The following LMTK2 variants were observed in gnomAD, a reference collection of about 807,000 sequenced individuals.
LMTK2 encodes serine/threonine-protein kinase LMTK2.
LMTK2 carries 37 observed loss-of-function variants against 127.5 expected under a neutral mutation model. The ratio of observed to expected loss-of-function variants is 0.29; its 90% CI spans 0.22 to 0.38. The LOEUF is 0.38. Ranked by LOEUF, LMTK2 falls within the 10% of genes least tolerant of loss-of-function variation. The pLI, the probability that LMTK2 is intolerant of heterozygous loss-of-function variation, is 1.00. For synonymous variants in LMTK2, 819 were observed against 810.1 expected (o/e 1.01, Z -0.19); for missense variants, 1,694 against 1,920.3 (o/e 0.88, Z 2.20).
chr7:98,129,412 T>G (rs1796490293), intron 1 of LMTK2, among the ~76,000 whole-genome samples: 1 of 150,946 alleles, frequency 6.6e-6, no homozygotes, highest in Non-Finnish European at 1.5e-5. Flanking sequence ...GGGTCTTACT[T>G]TGTTGTCCAG....
intron 7 of LMTK2, among the ~76,000 whole-genome samples, chr7:98,181,569 G>T (rs1468683074): frequency 6.6e-6 from 1 of 152,202 alleles, no homozygotes; most frequent in Non-Finnish European, 1.5e-5. Flanking sequence ...TCAAAACAGT[G>T]TTGTACTAGC....
At chr7:98,162,609 C>T (rs1039480334) in intron 6 of LMTK2, among the ~76,000 whole-genome samples, 1 of 152,174 alleles carries the variant, frequency 6.6e-6, no homozygotes, top group African/African-American at 2.4e-5. Flanking sequence ...GAGCTCTGGT[C>T]GCCATCAAAA....
chr7:98,183,199 T>A (rs902147870), intron 7 of LMTK2, among the ~76,000 whole-genome samples: 1 of 152,246 alleles, frequency 6.6e-6, no homozygotes, highest in Non-Finnish European at 1.5e-5. Context: ...TGCCTTTCCC[T>A]TTCTAGGTCT....
At chr7:98,152,080 T>C (rs1362465407) in intron 4 of LMTK2, among the ~76,000 whole-genome samples, 1 of 152,192 alleles carries the variant, frequency 6.6e-6, no homozygotes, top group Non-Finnish European at 1.5e-5. Flanking sequence ...TGTATCCTTC[T>C]CAGGTTAGAT....
chr7:98,151,344 A>G, intron 3 of LMTK2, 38 bp from the exon 4 acceptor site: 2 of 1,356,740 alleles, frequency 1.5e-6, no homozygotes, highest in Non-Finnish European at 2.1e-6. Flanking sequence ...TAATATTTAG[A>G]TACTTATATT....
chr7:98,156,099 A>AAT (rs1272545296), intron 5 of LMTK2, among the ~76,000 whole-genome samples: 1 of 152,218 alleles, frequency 6.6e-6, no homozygotes, highest in African/African-American at 2.4e-5. Context: ...ATGGATAGCA[A>AAT]ATAAGCACAT....
chr7:98,165,183 C>T (rs1323140435), intron 6 of LMTK2, among the ~76,000 whole-genome samples: 1 of 152,202 alleles, frequency 6.6e-6, no homozygotes, highest in Non-Finnish European at 1.5e-5. Flanking sequence ...GGAACCTTGG[C>T]CACTGCCCAC....
intron 1 of LMTK2, among the ~76,000 whole-genome samples, chr7:98,108,249 A>C (rs1477545398): frequency 6.6e-6 from 1 of 152,206 alleles, no homozygotes; most frequent in East Asian, 1.9e-4. Context: ...CGTTGTAGGC[A>C]GAGCCCCAAA....
intron 7 of LMTK2, among the ~76,000 whole-genome samples, chr7:98,180,533 T>G (rs1460928911): frequency 6.6e-6 from 1 of 151,962 alleles, no homozygotes; most frequent in Non-Finnish European, 1.5e-5. Context: ...AATTGTGTGT[T>G]TTTGAAAATT....
chr7:98,171,277 T>C lies in LMTK2; in HGVS notation c.658-264T>C, dbSNP rs562311954. Among the ~76,000 whole-genome samples, 10 of 152,328 alleles carry C rather than the reference T, an allele frequency of 6.6e-5. No homozygotes were observed. In the East Asian group the frequency reaches 1.5e-3, roughly 23 times the overall value. On this transcript the variant is annotated intron_variant, in intron 6 of 13. Coordinates refer to ENST00000297293, the MANE Select transcript of LMTK2 (RefSeq NM_014916.4). The surrounding 1 kb of genome is among the most constrained non-coding windows in gnomAD (Gnocchi z 5.1). ...AATTCTACACAGCATTTAGTTTAAA[T>C]GTGCATCATTGCAAAACTATCTTTT... is the stretch of plus-strand genomic sequence containing the variant.
Position 98,171,428 on chromosome 7 carries a change from A to G in LMTK2, c.658-113A>G, listed in dbSNP as rs1222762992. 1.4e-6 allele frequency: 2 copies of G among 1,392,620 alleles called. No individual in the cohort carries two copies. Among genetic ancestry groups the G allele is most frequent in the Non-Finnish European group, 2.0e-6 (2 of 984,738 alleles). 86.3% of individuals were successfully genotyped at this position (1,392,620 alleles called of 1,614,324 possible). On this transcript the variant is annotated intron_variant, in intron 6 of 13. Transcript: ENST00000297293. The surrounding 1 kb of genome is among the most constrained non-coding windows in gnomAD (Gnocchi z 5.1). ...GTTGGAACTTCTTTAAGTATGAACA[A>G]AAGAAGTTTCTAATAAATAATCTTA...
intron 7 of LMTK2, among the ~76,000 whole-genome samples, chr7:98,183,331 A>G (rs572893900): frequency 9.8e-5 from 15 of 152,328 alleles, no homozygotes; most frequent in African/African-American, 3.1e-4. Flanking sequence ...AATAAGAACC[A>G]TGGTCTCTAC....
chr7:98,119,506 T>C (rs897937502), intron 1 of LMTK2, among the ~76,000 whole-genome samples: 1 of 152,186 alleles, frequency 6.6e-6, no homozygotes, highest in African/African-American at 2.4e-5. Flanking sequence ...GAAATAAGTA[T>C]TTTTTTATTT....
Position 98,207,347 on chromosome 7 carries a change from T to A in LMTK2, c.*1855T>A, listed in dbSNP as rs1797821932. On this transcript the variant is annotated 3_prime_UTR_variant, in exon 14 of 14. Transcript: ENST00000297293. ...AGAGTGCGCAGCAAATGACCTTCATTGCCAGTTCCACCCTACTCCTCTCAT... is the reference window on the plus strand; with the variant it reads ...AGAGTGCGCAGCAAATGACCTTCATAGCCAGTTCCACCCTACTCCTCTCAT... 6.6e-6 allele frequency: 1 copy of A among 152,136 alleles called. No homozygotes were observed. Among genetic ancestry groups the A allele is most frequent in the Admixed American group, 6.6e-5 (1 of 15,264 alleles). The allele number at this position is 152,136 out of a possible 1,614,324, so 9.4% of individuals were successfully genotyped here.
chr7:98,178,604 G>C (rs1398044109), intron 7 of LMTK2, among the ~76,000 whole-genome samples: 5 of 152,216 alleles, frequency 3.3e-5, no homozygotes, highest in Non-Finnish European at 7.3e-5. Flanking sequence ...CAGACTGGCT[G>C]TGTGTTTGCA....
chr7:98,126,671 G>C (rs1242262810), intron 1 of LMTK2: 1 of 152,196 alleles, frequency 6.6e-6, no homozygotes, highest in Non-Finnish European at 1.5e-5. Context: ...GTTTTAAAAT[G>C]GGAATGAAAT....
chr7:98,148,449 C>T (rs1039313943), intron 3 of LMTK2, among the ~76,000 whole-genome samples: 1 of 150,712 alleles, frequency 6.6e-6, no homozygotes, highest in African/African-American at 2.4e-5. Context: ...GCCAAGATTG[C>T]TCCACTGCAC....
At chr7:98,183,879 G>A (rs779777891) in intron 7 of LMTK2, among the ~76,000 whole-genome samples, 13 of 152,166 alleles carry the variant, frequency 8.5e-5, no homozygotes, top group Non-Finnish European at 1.5e-4. Context: ...GTTGCTAATC[G>A]GAAAATCTTT....
intron 6 of LMTK2, among the ~76,000 whole-genome samples, chr7:98,168,225 G>T (rs1279821725): frequency 6.6e-6 from 1 of 152,198 alleles, no homozygotes; most frequent in Non-Finnish European, 1.5e-5. Flanking sequence ...GCAGAGAGAA[G>T]AGATGGACTC....
Sources: allele counts gnomAD v4.1 joint callset (sites outside exome capture counted in the v4.1 genomes callset), GRCh38; gene constraint gnomAD v4.1.1; non-coding constraint Gnocchi (gnomAD v3.1); transcripts MANE v1.5; gene names NCBI Gene and HGNC (gene_info 2026-07-23, HGNC 2026-07-21).